The following APBA1 variants were observed in gnomAD, a reference collection of about 807,000 sequenced individuals.
The protein encoded by APBA1 is amyloid beta precursor protein binding family A member 1.
Under a neutral mutation model 86.6 loss-of-function variants are expected in APBA1, and 55 were observed. That is an observed-to-expected ratio of 0.64 (90% CI 0.51 to 0.80). APBA1 has a LOEUF of 0.80. Ranked by LOEUF, APBA1 falls within the 30% of genes least tolerant of loss-of-function variation. The probability of loss-of-function intolerance (pLI) is 0.00; values close to 1 mark genes in which losing one functional copy is unlikely to be tolerated. For synonymous variants in APBA1, 511 were observed against 493.9 expected, an observed-to-expected ratio of 1.03 and a Z score of -0.46; for missense variants, 1,090 against 1,183.0, an observed-to-expected ratio of 0.92 and a Z score of 1.15.
intron 2 of APBA1, among the ~76,000 whole-genome samples, chr9:69,489,622 TTACAAGAA>T (rs1350664224): frequency 6.6e-6 from 1 of 151,874 alleles, no homozygotes; most frequent in African/African-American, 2.4e-5. Context: ...TCAAACAAAT[TTACAAGAA>T]AAAAGCAAAC....
chr9:69,439,291 G>A (rs1186904117), intron 11 of APBA1, among the ~76,000 whole-genome samples: 6 of 144,330 alleles, frequency 4.2e-5, no homozygotes, highest in South Asian at 2.3e-4. Flanking sequence ...TCTTTGTGGC[G>A]TTCTCTGTAT....
chr9:69,549,542 A>G (rs888224855), intron 1 of APBA1, among the ~76,000 whole-genome samples: 2 of 152,190 alleles, frequency 1.3e-5, no homozygotes, highest in African/African-American at 4.8e-5. Context: ...GACATGGCCC[A>G]TGAATTTTAA....
At chr9:69,483,046 C>G (rs148285466) in intron 2 of APBA1, among the ~76,000 whole-genome samples, 6,159 of 148,332 alleles carry the variant, frequency 0.042, 394 homozygotes, top group African/African-American at 0.14. Context: ...GTGCAGCGCA[C>G]CAGCATGGCA....
intron 1 of APBA1, among the ~76,000 whole-genome samples, chr9:69,546,425 T>C (rs945352242): frequency 6.6e-6 from 1 of 152,142 alleles, no homozygotes; most frequent in Non-Finnish European, 1.5e-5. Flanking sequence ...TGCCATGATT[T>C]AATTAGGGAA....
intron 5 of APBA1, 142 bp from the exon 6 acceptor site, chr9:69,458,330 C>A: frequency 1.6e-6 from 1 of 617,330 alleles, no homozygotes; most frequent in Non-Finnish European, 2.6e-6. Context: ...TTTTAAAAAT[C>A]CCAGTCTAAA....
intron 1 of APBA1, among the ~76,000 whole-genome samples, chr9:69,545,598 A>G (rs1041350736): frequency 2.0e-5 from 3 of 152,206 alleles, no homozygotes; most frequent in Non-Finnish European, 2.9e-5. Context: ...CTTATTATTT[A>G]TCACATGTTC....
At chr9:69,649,632 A>AC (rs1285790430) in intron 1 of APBA1, among the ~76,000 whole-genome samples, 1 of 151,524 alleles carries the variant, frequency 6.6e-6, no homozygotes, top group African/African-American at 2.4e-5. Context: ...GCTCCCATCC[A>AC]CCCCCGGGGC....
In APBA1 at chr9:69,456,302, G is replaced by A. The variant is rs1420457440; in HGVS notation, c.1733C>T (p.Ser578Phe). ...CTTGTACTGCCTTTTCCCATCCTGG[G>A]ATGGGTGGGACGCTTCCACGTTCTC... ...SQENVEASHPSQDGKRQYKMI... is the reference protein window; with the variant it reads ...SQENVEASHPFQDGKRQYKMI... Residue 578 changes from serine (S) to phenylalanine (F), a missense_variant, in exon 8 of 13, where the codon TCC (serine) becomes TTC (phenylalanine). Ser to Phe is a radical substitution (Grantham distance 155). Transcript: ENST00000265381. The A allele has an allele frequency of 3.1e-6, 5 of 1,614,084 alleles. No homozygotes were observed. The African/African-American group carries it at 5.3e-5, about 17-fold the overall frequency.
intron 1 of APBA1, among the ~76,000 whole-genome samples, chr9:69,595,364 T>TGGAAAA (rs1335296578): frequency 1.3e-5 from 2 of 152,200 alleles, no homozygotes; most frequent in Non-Finnish European, 2.9e-5. Context: ...ATCCACCTAG[T>TGGAAAA]TCCCAATGTG....
chr9:69,584,826 C>A (rs901917633), intron 1 of APBA1, among the ~76,000 whole-genome samples: 2 of 152,118 alleles, frequency 1.3e-5, no homozygotes, highest in African/African-American at 4.8e-5. Flanking sequence ...CTTAGAGTAA[C>A]TAACAAAACA....
intron 2 of APBA1, among the ~76,000 whole-genome samples, chr9:69,498,682 C>T (rs1006442828): frequency 6.6e-6 from 1 of 152,044 alleles, no homozygotes; most frequent in African/African-American, 2.4e-5. Context: ...ATAGAAGGAT[C>T]TAACAACGTT....
chr9:69,561,652 CAG>C (rs1035540952), intron 1 of APBA1, among the ~76,000 whole-genome samples: 7 of 147,340 alleles, frequency 4.8e-5, no homozygotes, highest in African/African-American at 1.8e-4. Flanking sequence ...TTTTCTGAAA[CAG>C]AGACTCACTG....
chr9:69,553,638 C>T (rs542160467), intron 1 of APBA1, among the ~76,000 whole-genome samples: 1 of 152,316 alleles, frequency 6.6e-6, no homozygotes, highest in South Asian at 2.1e-4. Flanking sequence ...ATTTAGGTCA[C>T]TTCCAGCACG....
At chr9:69,628,069 T>A (rs1276203638) in intron 1 of APBA1, among the ~76,000 whole-genome samples, 2 of 152,110 alleles carry the variant, frequency 1.3e-5, no homozygotes. Flanking sequence ...ATATAAGACA[T>A]GGTTTGGTGG....
intron 1 of APBA1, among the ~76,000 whole-genome samples, chr9:69,628,688 G>A (rs1161492539): frequency 6.6e-6 from 1 of 152,060 alleles, no homozygotes; most frequent in East Asian, 1.9e-4. Context: ...AAAAATAATG[G>A]GCATAGTGAC....
Position 69,516,386 on chromosome 9 carries a change from G to A in APBA1, c.825C>T (p.Ala275=), listed in dbSNP as rs762092529. The change falls in exon 2 of 13, where the codon GCC becomes GCT. Residue 275 remains alanine, a synonymous_variant. Transcript: ENST00000265381. This position sits in a 1 kb window ranked among gnomAD's most constrained non-coding sequence, Gnocchi z 7.3. The stretch of plus-strand genomic sequence containing the variant: ...GCGAGCTCATGCTCTGCTTCACCTC[G>A]GCCACTATCTGGTCGATGTCCTCCT... The part of the protein sequence containing the change: ...EQEEDIDQIV[A]EVKQSMSSQS... 6.9e-6 allele frequency: 11 copies of A among 1,603,054 alleles called. No homozygotes were observed. The highest frequency in any genetic ancestry group is 1.7e-5 in the Admixed American group (1 of 59,864).
At chr9:69,503,570 A>G (rs1044512893) in intron 2 of APBA1, among the ~76,000 whole-genome samples, 1 of 152,112 alleles carries the variant, frequency 6.6e-6, no homozygotes, top group African/African-American at 2.4e-5. Flanking sequence ...GCTGAGCTAC[A>G]ACGCATATTA....
intron 1 of APBA1, among the ~76,000 whole-genome samples, chr9:69,598,776 A>G (rs1822286906): frequency 6.6e-6 from 1 of 152,214 alleles, no homozygotes; most frequent in Non-Finnish European, 1.5e-5. Flanking sequence ...TGGGCCTGGA[A>G]TACACCAGGA....
intron 1 of APBA1, among the ~76,000 whole-genome samples, chr9:69,574,390 C>T (rs572353262): frequency 1.8e-4 from 27 of 152,216 alleles, no homozygotes; most frequent in Admixed American, 5.9e-4. Flanking sequence ...GACCTTTCTT[C>T]GCAAACAACT....
Sources: allele counts gnomAD v4.1 joint callset (sites outside exome capture counted in the v4.1 genomes callset), GRCh38; gene constraint gnomAD v4.1.1; non-coding constraint Gnocchi (gnomAD v3.1); transcripts MANE v1.5; gene names NCBI Gene and HGNC (gene_info 2026-07-23, HGNC 2026-07-21).